Variants in CDH13 observed in about 807,000 individuals in gnomAD.
CDH13 encodes the protein cadherin 13, also known as cadherin-13.
Under a neutral mutation model 63.8 loss-of-function variants are expected in CDH13, and 24 were observed. The ratio of observed to expected loss-of-function variants is 0.38; its 90% CI spans 0.27 to 0.53. The LOEUF (loss-of-function observed/expected upper bound fraction) is 0.53. Among genes scored for constraint, CDH13 ranks in the 20% least tolerant of loss-of-function variants. The pLI, the probability that CDH13 is intolerant of heterozygous loss-of-function variation, is 0.85. For missense variants in CDH13, 1,049 were observed against 903.1 expected (o/e 1.16, Z -2.07); for synonymous variants, 503 against 355.3 (o/e 1.42, Z -4.67).
intron 7 of CDH13, among the ~76,000 whole-genome samples, chr16:83,530,476 A>G (rs1327845937): frequency 1.3e-5 from 2 of 152,224 alleles, no homozygotes; most frequent in Non-Finnish European, 2.9e-5. Context: ...GTTTCCTGAG[A>G]GCACTGTGGC....
At chr16:82,802,249 G>A (rs1181307325) in intron 1 of CDH13, among the ~76,000 whole-genome samples, 3 of 152,166 alleles carry the variant, frequency 2.0e-5, no homozygotes, top group African/African-American at 4.8e-5. Context: ...AGAAGAAGAC[G>A]TGGAGATCGT....
At chr16:83,190,164 T>A (rs1027424855) in intron 4 of CDH13, among the ~76,000 whole-genome samples, 2 of 152,234 alleles carry the variant, frequency 1.3e-5, no homozygotes, top group African/African-American at 4.8e-5. Flanking sequence ...TGGTATAACA[T>A]TGGGCAAATG....
chr16:82,992,263 G>A (rs913663081), intron 2 of CDH13, among the ~76,000 whole-genome samples: 1 of 152,110 alleles, frequency 6.6e-6, no homozygotes, highest in Non-Finnish European at 1.5e-5. Flanking sequence ...TGAAGAGCTT[G>A]GCCTGAAATC....
intron 5 of CDH13, among the ~76,000 whole-genome samples, chr16:83,334,361 T>TCTCTCTCTCACACACACACACA (rs1272779883): frequency 5.8e-5 from 5 of 85,594 alleles, no homozygotes; most frequent in African/African-American, 2.5e-4. Flanking sequence ...TCTCTCTCTC[T>TCTCTCTCTCACACACACACACA]CACACACACA....
intron 1 of CDH13, among the ~76,000 whole-genome samples, chr16:82,770,826 G>A (rs2035233211): frequency 1.3e-5 from 2 of 152,108 alleles, no homozygotes; most frequent in African/African-American, 4.8e-5. Context: ...GCCTGCCTCA[G>A]CCTCCCGAGT....
chr16:83,256,702 G>A (rs1296094558), intron 5 of CDH13, among the ~76,000 whole-genome samples: 5 of 147,502 alleles, frequency 3.4e-5, no homozygotes, highest in Non-Finnish European at 7.5e-5. Flanking sequence ...AAAATTAGCC[G>A]GGCATGGTGG....
At chr16:83,087,591 G>A (rs143567565) in intron 3 of CDH13, among the ~76,000 whole-genome samples, 6 of 148,996 alleles carry the variant, frequency 4.0e-5, no homozygotes, top group Non-Finnish European at 7.4e-5. Flanking sequence ...TCACTTGAAC[G>A]CGGGAGCCGG....
At chr16:83,141,764 G>A (rs558848588) in intron 4 of CDH13, among the ~76,000 whole-genome samples, 4 of 152,294 alleles carry the variant, frequency 2.6e-5, no homozygotes, top group East Asian at 1.9e-4. Context: ...GAGAATATGC[G>A]GCATTTGGTT....
At chr16:83,652,497 C>A (rs1827874003) in intron 8 of CDH13, among the ~76,000 whole-genome samples, 1 of 152,058 alleles carries the variant, frequency 6.6e-6, no homozygotes, top group Admixed American at 6.6e-5. Flanking sequence ...TTCAGCAACA[C>A]CCCATGGAAA....
At chr16:83,679,175 G>A (rs189211441) in intron 10 of CDH13, among the ~76,000 whole-genome samples, 63 of 152,250 alleles carry the variant, frequency 4.1e-4, no homozygotes, top group East Asian at 1.7e-3. Context: ...AAGCATTTTC[G>A]TAATGAGATT....
intron 6 of CDH13, among the ~76,000 whole-genome samples, chr16:83,481,886 G>A (rs540372547): frequency 6.6e-6 from 1 of 152,336 alleles, no homozygotes; most frequent in Non-Finnish European, 1.5e-5. Context: ...ATAGGAAGCT[G>A]CATGAGCTGG....
chr16:83,499,633 C>G (rs1250210345), intron 7 of CDH13, among the ~76,000 whole-genome samples: 2 of 152,212 alleles, frequency 1.3e-5, no homozygotes, highest in East Asian at 1.9e-4. Context: ...GTTTCTTCAA[C>G]TGTAAATCAC....
intron 3 of CDH13, among the ~76,000 whole-genome samples, chr16:83,056,012 AG>A (rs1411286437): frequency 6.6e-6 from 1 of 152,188 alleles, no homozygotes; most frequent in African/African-American, 2.4e-5. Context: ...ATATAACAAA[AG>A]GGCAGAGAAC....
At chr16:82,854,400 CA>C (rs66969029) in intron 1 of CDH13, among the ~76,000 whole-genome samples, 3,990 of 111,956 alleles carry the variant, frequency 0.036, 130 homozygotes, top group African/African-American at 0.12. Context: ...GGCTCTGTCT[CA>C]AAAAAAAAAA....
chr16:83,187,960 A>T (rs1409891794), intron 4 of CDH13, among the ~76,000 whole-genome samples: 1 of 152,160 alleles, frequency 6.6e-6, no homozygotes, highest in African/African-American at 2.4e-5. Flanking sequence ...GATAAAAGGA[A>T]CTATGAGTGC....
In CDH13 at chr16:82,693,688, A is replaced by G. The variant is rs142030279; in HGVS notation, c.45+66551A>G. The stretch of plus-strand genomic sequence containing the variant: ...TGAGCACTGCTGTGCACCCTGCCAC[A>G]TGTTAAAAGGTAAAATTACATTCTG... On this transcript the variant is annotated intron_variant, in intron 1 of 13. Coordinates refer to ENST00000567109, the MANE Select transcript of CDH13 (RefSeq NM_001257.5). Among the ~76,000 whole-genome samples, 125 of 152,366 alleles carry G rather than the reference A, an allele frequency of 8.2e-4. 1 individual carries two copies. Among genetic ancestry groups the G allele is most frequent in the African/African-American group, 2.8e-3 (118 of 41,592 alleles).
chr16:83,622,356 G>T (rs924757799), intron 8 of CDH13, among the ~76,000 whole-genome samples: 7 of 152,254 alleles, frequency 4.6e-5, no homozygotes, highest in African/African-American at 1.4e-4. Context: ...CACTCTTCCG[G>T]CCCCATGGGA....
intron 2 of CDH13, among the ~76,000 whole-genome samples, chr16:83,028,374 C>G (rs1240799583): frequency 2.6e-5 from 4 of 152,182 alleles, no homozygotes; most frequent in Admixed American, 6.5e-5. Flanking sequence ...ACTTGTGTGT[C>G]CATGCAAAGA....
chr16:83,068,998 C>T (rs984723069), intron 3 of CDH13, among the ~76,000 whole-genome samples: 3 of 152,164 alleles, frequency 2.0e-5, no homozygotes, highest in Non-Finnish European at 4.4e-5. Context: ...ATTTCCCATG[C>T]CCCCAGTTCA....
Sources: allele counts gnomAD v4.1 joint callset (sites outside exome capture counted in the v4.1 genomes callset), GRCh38; gene constraint gnomAD v4.1.1; transcripts MANE v1.5; gene names NCBI Gene and HGNC (gene_info 2026-07-23, HGNC 2026-07-21).